INVS: variants seen among roughly 807,000 people sequenced by gnomAD.
INVS encodes inversion of embryo turning homolog.
A neutral mutation model predicts 108.8 loss-of-function variants in INVS; 86 were observed. That is an observed-to-expected ratio of 0.79 (90% CI 0.66 to 0.95). The LOEUF is 0.95. Among genes scored for constraint, INVS ranks in the 40% least tolerant of loss-of-function variants. The pLI, the probability that INVS is intolerant of heterozygous loss-of-function variation, is 0.00. For missense variants in INVS, 1,169 were observed against 1,297.4 expected (o/e 0.90, Z 1.52); for synonymous variants, 455 against 473.5 (o/e 0.96, Z 0.51).
intron 3 of INVS, among the ~76,000 whole-genome samples, chr9:100,146,664 T>A (rs1304101803): frequency 6.6e-6 from 1 of 152,232 alleles, no homozygotes; most frequent in Non-Finnish European, 1.5e-5. Flanking sequence ...AATTATTAAA[T>A]TTTTTAAATG....
At chr9:100,148,542 A>G (rs1480138374) in intron 3 of INVS, among the ~76,000 whole-genome samples, 1 of 152,228 alleles carries the variant, frequency 6.6e-6, no homozygotes, top group East Asian at 1.9e-4. Context: ...AACAAGCACC[A>G]GACAAATTAC....
chr9:100,210,857 C>T (rs1830810218), intron 3 of INVS, among the ~76,000 whole-genome samples: 1 of 151,508 alleles, frequency 6.6e-6, no homozygotes, highest in Non-Finnish European at 1.5e-5. Flanking sequence ...AATATTAATT[C>T]CAAAGTCCCA....
At chr9:100,281,155 A>G (rs1288789016) in intron 12 of INVS, among the ~76,000 whole-genome samples, 3 of 152,234 alleles carry the variant, frequency 2.0e-5, no homozygotes, top group East Asian at 1.9e-4. Flanking sequence ...TGAAATTTTT[A>G]AAAACAATTC....
At chr9:100,178,459 TA>T (rs1160642208) in intron 3 of INVS, among the ~76,000 whole-genome samples, 3 of 151,978 alleles carry the variant, frequency 2.0e-5, no homozygotes, top group East Asian at 3.9e-4. Context: ...CTGATGGAGC[TA>T]AAAAAACACA....
chr9:100,180,557 C>T (rs982062079), intron 3 of INVS, among the ~76,000 whole-genome samples: 2 of 152,170 alleles, frequency 1.3e-5, no homozygotes, highest in Admixed American at 1.3e-4. Flanking sequence ...TGGACACATA[C>T]ACCCTCCTAA....
chr9:100,285,329 T>C (rs1833406839), intron 13 of INVS, among the ~76,000 whole-genome samples: 1 of 152,200 alleles, frequency 6.6e-6, no homozygotes, highest in African/African-American at 2.4e-5. Context: ...CTAGGTAATA[T>C]GTCATTTCTC....
At chr9:100,258,112 T>A (rs1832484207) in intron 10 of INVS, among the ~76,000 whole-genome samples, 1 of 152,200 alleles carries the variant, frequency 6.6e-6, no homozygotes, top group Non-Finnish European at 1.5e-5. Flanking sequence ...CATTTCTTTT[T>A]ACTCTTTTTT....
intron 3 of INVS, among the ~76,000 whole-genome samples, chr9:100,160,954 C>CA (rs34945084): frequency 3.7e-3 from 268 of 72,456 alleles, no homozygotes; most frequent in Non-Finnish European, 5.3e-3. Context: ...GACTCTGTCT[C>CA]AAAAAAAAAA....
chr9:100,121,950 C>T (rs1339514418), intron 2 of INVS, among the ~76,000 whole-genome samples: 1 of 152,034 alleles, frequency 6.6e-6, no homozygotes, highest in Non-Finnish European at 1.5e-5. Context: ...TTCTCTTTAA[C>T]CCATGGATTA....
At chr9:100,120,318 A>T (rs1251713533) in intron 2 of INVS, 1 of 152,280 alleles carries the variant, frequency 6.6e-6, no homozygotes, top group Non-Finnish European at 1.5e-5. Context: ...AGAAAAAGAC[A>T]TCACTCATGA....
At chr9:100,130,653 C>T (rs1041184569) in intron 3 of INVS, 9 of 152,066 alleles carry the variant, frequency 5.9e-5, no homozygotes, top group Admixed American at 4.6e-4. Context: ...ATATCCTTTC[C>T]AAGTATTGTC....
intron 3 of INVS, among the ~76,000 whole-genome samples, chr9:100,206,259 G>A (rs1192126632): frequency 6.6e-6 from 1 of 152,040 alleles, no homozygotes. Flanking sequence ...GATTACCTCA[G>A]GTTTAAGAGG....
chr9:100,248,887 A>G (rs1012490565), intron 8 of INVS, among the ~76,000 whole-genome samples: 1 of 151,190 alleles, frequency 6.6e-6, no homozygotes, highest in Admixed American at 6.6e-5. Flanking sequence ...CTTTTTTTAG[A>G]AAAAAAAAGT....
intron 3 of INVS, among the ~76,000 whole-genome samples, chr9:100,151,233 T>C (rs1487592192): frequency 1.3e-5 from 2 of 152,122 alleles, no homozygotes; most frequent in Admixed American, 1.3e-4. Flanking sequence ...CCCAGCACTT[T>C]GGGAGACCAA....
chr9:100,126,314 G>C, intron 2 of INVS, 69 bp from the exon 3 acceptor site: 4 of 1,233,506 alleles, frequency 3.2e-6, no homozygotes, highest in Non-Finnish European at 4.7e-6. Flanking sequence ...AATAAACAGC[G>C]AATATAGTTC....
chr9:100,181,776 G>C (rs10989000), intron 3 of INVS, among the ~76,000 whole-genome samples: 1 of 151,724 alleles, frequency 6.6e-6, no homozygotes, highest in Non-Finnish European at 1.5e-5. Context: ...TTTAAATTTC[G>C]TATGGAACCA....
chr9:100,251,715 A>C (rs991264346), intron 8 of INVS, among the ~76,000 whole-genome samples: 1 of 152,094 alleles, frequency 6.6e-6, no homozygotes, highest in African/African-American at 2.4e-5. Context: ...AGCCCTGGGG[A>C]AGTAGCTGGC....
chr9:100,261,105 G>C (rs933556814), intron 10 of INVS, among the ~76,000 whole-genome samples: 2 of 152,082 alleles, frequency 1.3e-5, no homozygotes, highest in Non-Finnish European at 2.9e-5. Flanking sequence ...ATATTTGCAT[G>C]TTAATTATGT....
intron 3 of INVS, among the ~76,000 whole-genome samples, chr9:100,181,696 C>A (rs1028206096): frequency 6.6e-6 from 1 of 152,050 alleles, no homozygotes; most frequent in African/African-American, 2.4e-5. Flanking sequence ...CTGCCCAAAG[C>A]AATTTATAGA....
Sources: gnomAD v4.1 joint callset for allele counts (sites outside exome capture counted in the v4.1 genomes callset) on GRCh38, gnomAD v4.1.1 for gene constraint, MANE v1.5 for transcripts, NCBI Gene and HGNC (gene_info 2026-07-23, HGNC 2026-07-21) for gene names.